CCSER1: variants seen among roughly 807,000 people sequenced by gnomAD.
The protein encoded by CCSER1 is coiled-coil serine rich protein 1, also known as serine-rich coiled-coil domain-containing protein 1.
Under a neutral mutation model 82.0 loss-of-function variants are expected in CCSER1, and 41 were observed. That is an observed-to-expected ratio of 0.50 (90% CI 0.39 to 0.65). The LOEUF (loss-of-function observed/expected upper bound fraction) is 0.65, where lower values mean the gene tolerates loss of function less well. Among genes scored for constraint, CCSER1 ranks in the 30% least tolerant of loss-of-function variants. The probability of loss-of-function intolerance (pLI) is 0.00; values close to 1 mark genes in which losing one functional copy is unlikely to be tolerated. For synonymous variants in CCSER1, 414 were observed against 383.9 expected, an observed-to-expected ratio of 1.08 and a Z score of -0.92; for missense variants, 1,119 against 1,064.2, an observed-to-expected ratio of 1.05 and a Z score of -0.72.
chr4:90,843,934 A>G (rs1038398617), intron 8 of CCSER1, among the ~76,000 whole-genome samples: 1 of 152,206 alleles, frequency 6.6e-6, no homozygotes, highest in African/African-American at 2.4e-5. Flanking sequence ...GTAACAATAT[A>G]AAATGTATAT....
At chr4:90,448,735 T>C (rs1271261452) in intron 4 of CCSER1, among the ~76,000 whole-genome samples, 1 of 151,904 alleles carries the variant, frequency 6.6e-6, no homozygotes, top group Non-Finnish European at 1.5e-5. Flanking sequence ...TTTACAAGTG[T>C]ATAGTTTGAT....
chr4:90,793,938 T>C (rs1162906459), intron 7 of CCSER1, among the ~76,000 whole-genome samples: 2 of 152,240 alleles, frequency 1.3e-5, no homozygotes, highest in Non-Finnish European at 2.9e-5. Context: ...TTTTTTGATA[T>C]GATTGTTTGC....
intron 4 of CCSER1, among the ~76,000 whole-genome samples, chr4:90,406,036 G>A (rs922331609): frequency 6.6e-6 from 1 of 152,050 alleles, no homozygotes; most frequent in Non-Finnish European, 1.5e-5. Flanking sequence ...AATGTAAATA[G>A]CCTAAATGCT....
chr4:90,971,119 T>A (rs1735064373), intron 9 of CCSER1, among the ~76,000 whole-genome samples: 1 of 151,786 alleles, frequency 6.6e-6, no homozygotes, highest in Non-Finnish European at 1.5e-5. Flanking sequence ...ATCAACAAAA[T>A]GGTATTTGTT....
chr4:91,526,384 ATGTATT>A (rs1483795297), intron 10 of CCSER1, among the ~76,000 whole-genome samples: 1 of 152,142 alleles, frequency 6.6e-6, no homozygotes, highest in Non-Finnish European at 1.5e-5. Flanking sequence ...TTTTTCTTAA[ATGTATT>A]TGATTAAAGT....
chr4:91,269,099 T>A (rs531943613), intron 10 of CCSER1, among the ~76,000 whole-genome samples: 2 of 152,378 alleles, frequency 1.3e-5, no homozygotes, highest in South Asian at 4.1e-4. Context: ...TTCTGTACAC[T>A]GTCTGGTTTG....
chr4:90,786,104 T>G (rs1196730565), intron 7 of CCSER1, among the ~76,000 whole-genome samples: 1 of 152,200 alleles, frequency 6.6e-6, no homozygotes, highest in South Asian at 2.1e-4. Flanking sequence ...TGTCAGATAC[T>G]TTCTCAAGGG....
At chr4:91,241,539 G>C (rs566169062) in intron 10 of CCSER1, among the ~76,000 whole-genome samples, 2 of 147,618 alleles carry the variant, frequency 1.4e-5, no homozygotes, top group Non-Finnish European at 1.5e-5. Flanking sequence ...TGTTAGCCAG[G>C]ATGGTCTCGA....
intron 9 of CCSER1, among the ~76,000 whole-genome samples, chr4:91,004,961 G>T (rs1738373992): frequency 6.6e-6 from 1 of 152,122 alleles, no homozygotes; most frequent in Non-Finnish European, 1.5e-5. Flanking sequence ...TAGCACAAGG[G>T]AGAGTGGGAG....
chr4:91,044,073 A>T (rs910239010), intron 9 of CCSER1, among the ~76,000 whole-genome samples: 1 of 152,336 alleles, frequency 6.6e-6, no homozygotes, highest in South Asian at 2.1e-4. Context: ...TAAAGAAACC[A>T]CTAGTGAAAT....
At chr4:90,478,665 A>T (rs988388280) in intron 5 of CCSER1, among the ~76,000 whole-genome samples, 1 of 152,070 alleles carries the variant, frequency 6.6e-6, no homozygotes, top group East Asian at 1.9e-4. Flanking sequence ...ACAAAGGCAC[A>T]TGGAGATTAA....
At chr4:90,128,494 CGTGTGTGTGTGTGTGT>C (rs147426828) in intron 1 of CCSER1, among the ~76,000 whole-genome samples, 1 of 149,956 alleles carries the variant, frequency 6.7e-6, no homozygotes, top group African/African-American at 2.5e-5. Flanking sequence ...AGGTTGTGTG[CGTGTGTGTGTGTGTGT>C]GTGTGTGCGC....
chr4:91,364,207 C>T (rs908477310), intron 10 of CCSER1, among the ~76,000 whole-genome samples: 1 of 151,972 alleles, frequency 6.6e-6, no homozygotes, highest in East Asian at 1.9e-4. Flanking sequence ...TTTTAAATAG[C>T]ATAGTGCAGT....
chr4:90,482,370 C>T (rs1174143807), intron 5 of CCSER1, among the ~76,000 whole-genome samples: 1 of 152,084 alleles, frequency 6.6e-6, no homozygotes, highest in Non-Finnish European at 1.5e-5. Flanking sequence ...TCTCTATTTC[C>T]TTCAGTTCTG....
chr4:91,078,815 G>A (rs1371984864), intron 9 of CCSER1, among the ~76,000 whole-genome samples: 2 of 152,154 alleles, frequency 1.3e-5, no homozygotes, highest in Non-Finnish European at 2.9e-5. Flanking sequence ...TTAATCAAAT[G>A]GAAGAAAGGG....
At chr4:90,135,085 T>C (rs1578135099) in intron 1 of CCSER1, among the ~76,000 whole-genome samples, 1 of 152,330 alleles carries the variant, frequency 6.6e-6, no homozygotes, top group East Asian at 1.9e-4. Context: ...GAATGAACTC[T>C]AACTTGAGCC....
intron 1 of CCSER1, among the ~76,000 whole-genome samples, chr4:90,292,298 G>T (rs1164153686): frequency 1.3e-5 from 2 of 151,812 alleles, no homozygotes; most frequent in Non-Finnish European, 2.9e-5. Flanking sequence ...ATGATATTCA[G>T]ATATATATGA....
intron 8 of CCSER1, among the ~76,000 whole-genome samples, chr4:90,873,716 A>C (rs1422236898): frequency 6.6e-6 from 1 of 152,146 alleles, no homozygotes; most frequent in Non-Finnish European, 1.5e-5. Flanking sequence ...AGATTTATGT[A>C]TATGTATGTA....
intron 9 of CCSER1, among the ~76,000 whole-genome samples, chr4:90,926,914 T>G (rs1729133900): frequency 6.6e-6 from 1 of 152,046 alleles, no homozygotes; most frequent in South Asian, 2.1e-4. Flanking sequence ...ATTTCAAGAT[T>G]ACATTGAGGG....
Sources: gnomAD v4.1 joint callset for allele counts (sites outside exome capture counted in the v4.1 genomes callset) on GRCh38, gnomAD v4.1.1 for gene constraint, MANE v1.5 for transcripts, NCBI Gene and HGNC (gene_info 2026-07-23, HGNC 2026-07-21) for gene names.